NSUN3: variants seen among roughly 807,000 people sequenced by gnomAD.
NSUN3 encodes NOP2/Sun RNA methyltransferase 3, also known as tRNA (cytosine(34)-C(5))-methyltransferase, mitochondrial.
In NSUN3, 24 loss-of-function variants were observed where a neutral mutation model predicts 36.8. The observed-to-expected ratio is 0.65, with a 90% CI of 0.47 to 0.92. The LOEUF (loss-of-function observed/expected upper bound fraction) is 0.92. Ranked by LOEUF, NSUN3 falls within the 40% of genes least tolerant of loss-of-function variation. The probability of loss-of-function intolerance (pLI) is 0.00; values close to 1 mark genes in which losing one functional copy is unlikely to be tolerated. For missense variants in NSUN3, 381 were observed against 392.8 expected, an observed-to-expected ratio of 0.97 and a Z score of 0.25; for synonymous variants, 146 against 145.2, an observed-to-expected ratio of 1.01 and a Z score of -0.04.
At chr3:94,095,193 A>G (rs2077332706) in intron 5 of NSUN3, 39 bp downstream of exon 5, 4 of 1,600,698 alleles carry the variant, frequency 2.5e-6, no homozygotes, top group Non-Finnish European at 2.6e-6. Context: ...TTGGTGTCTG[A>G]TGTAATTTAC....
At chr3:94,074,969 G>A (rs572481374) in intron 2 of NSUN3, among the ~76,000 whole-genome samples, 3 of 152,048 alleles carry the variant, frequency 2.0e-5, no homozygotes, top group Non-Finnish European at 2.9e-5. Context: ...ATTATTTTGA[G>A]ATATGATCCA....
chr3:94,113,603 G>A (rs1295204705), intron 5 of NSUN3, among the ~76,000 whole-genome samples: 4 of 152,148 alleles, frequency 2.6e-5, no homozygotes, highest in Admixed American at 6.5e-5. Context: ...CTTCCAGGAA[G>A]CCACATCAGA....
intron 3 of NSUN3, among the ~76,000 whole-genome samples, chr3:94,089,756 G>A (rs2077307095): frequency 6.6e-6 from 1 of 152,086 alleles, no homozygotes; most frequent in South Asian, 2.1e-4. Context: ...TACTCGCTTG[G>A]GTCTCTTCCA....
chr3:94,096,973 G>A (rs555507888), intron 5 of NSUN3, among the ~76,000 whole-genome samples: 112 of 152,268 alleles, frequency 7.4e-4, no homozygotes, highest in African/African-American at 2.6e-3. Context: ...TCTCCTGACA[G>A]ATCTGCCTCT....
chr3:94,068,776 A>G (rs1226663049), intron 2 of NSUN3, among the ~76,000 whole-genome samples: 3 of 109,776 alleles, frequency 2.7e-5, no homozygotes, highest in African/African-American at 4.5e-5. Context: ...TACAGAGAGG[A>G]AAAAAAAATA....
At position 94,075,987 on chromosome 3, in the gene NSUN3, G is replaced by T. The variant is rs185127863; in HGVS notation, c.123-8120G>T. The T allele has an allele frequency of 3.8e-6, 6 of 1,595,658 alleles. No homozygotes were observed. The East Asian group carries it at 1.1e-4, about 30-fold the overall frequency. On this transcript the variant is annotated intron_variant, in intron 2 of 5. Coordinates refer to ENST00000314622, the MANE Select transcript of NSUN3 (RefSeq NM_022072.5). ...ATGTTCTCTGCCATTTGCCACACTT[G>T]CATGATATTGTCTTCTGATACAGAA...
chr3:94,090,951 G>C (rs905771477), intron 3 of NSUN3, among the ~76,000 whole-genome samples: 3 of 152,130 alleles, frequency 2.0e-5, no homozygotes, highest in African/African-American at 7.2e-5. Context: ...AGGTAAACCA[G>C]GAAGAAATTG....
chr3:94,076,989 G>A, intron 2 of NSUN3: 1 of 924,750 alleles, frequency 1.1e-6, no homozygotes, highest in Non-Finnish European at 1.8e-6. Context: ...GTCGATGAAT[G>A]CTGAAATCTT....
intron 2 of NSUN3, among the ~76,000 whole-genome samples, chr3:94,078,888 A>G (rs7637702): frequency 1.4e-3 from 214 of 152,086 alleles, no homozygotes; most frequent in Middle Eastern, 6.8e-3. Context: ...TCTTTATCCA[A>G]TTTGCCAGTC....
chr3:94,088,733 T>C (rs999921065), intron 3 of NSUN3, among the ~76,000 whole-genome samples: 9 of 150,808 alleles, frequency 6.0e-5, no homozygotes, highest in African/African-American at 9.8e-5. Flanking sequence ...GGTGCAGTGG[T>C]GTGATCTTGG....
rs773075399 is a variant in NSUN3, at chr3:94,095,099, T to A, written c.688T>A (p.Ser230Thr). The part of the protein sequence containing the change: ...WLFSSDSQKA[S>T]CRISQRRNLP... Reference sequence around the variant, plus strand: ...GTTTTCTTCTGACTCTCAGAAGGCATCCTGTAGGATAAGTCAAAGGAGGAA... The same window carrying A: ...GTTTTCTTCTGACTCTCAGAAGGCAACCTGTAGGATAAGTCAAAGGAGGAA... The change falls in exon 5 of 6, where the codon TCC (serine) becomes ACC (threonine). Residue 230 changes from serine to threonine, a missense_variant. Ser to Thr is a moderately conservative substitution (Grantham distance 58, BLOSUM62 1). Coordinates refer to ENST00000314622, the MANE Select transcript of NSUN3 (RefSeq NM_022072.5). 6 of 1,613,398 alleles carry A rather than the reference T, an allele frequency of 3.7e-6. No individual in the cohort carries two copies. Among genetic ancestry groups the A allele is most frequent in the African/African-American group, 1.3e-5 (1 of 74,902 alleles).
chr3:94,124,245 T>C (rs2077475973), intron 5 of NSUN3, among the ~76,000 whole-genome samples: 1 of 145,510 alleles, frequency 6.9e-6, no homozygotes, highest in East Asian at 2.2e-4. Flanking sequence ...CTCTGCCTCC[T>C]GGGTTCAAGT....
At chr3:94,076,625 G>C in intron 2 of NSUN3, 1 of 963,982 alleles carries the variant, frequency 1.0e-6, no homozygotes, top group Middle Eastern at 3.2e-4. Context: ...ATTTGGCCAA[G>C]AAAGCCCATA....
chr3:94,088,084 C>T (rs752503075), intron 3 of NSUN3, among the ~76,000 whole-genome samples: 2 of 152,168 alleles, frequency 1.3e-5, no homozygotes, highest in African/African-American at 2.4e-5. Flanking sequence ...GCACATTCTA[C>T]AGGTGTCTCT....
At chr3:94,068,736 G>A (rs1280468090) in intron 2 of NSUN3, among the ~76,000 whole-genome samples, 5 of 147,726 alleles carry the variant, frequency 3.4e-5, no homozygotes, top group African/African-American at 1.0e-4. Context: ...TTTTTTTTTG[G>A]ACACTCTCCT....
chr3:94,131,775 C>T lies in NSUN3; in HGVS notation c.*5285C>T, dbSNP rs2077509131. Among the ~76,000 whole-genome samples the T allele has an allele frequency of 6.6e-6, 1 of 152,158 alleles. No homozygotes were observed. Among genetic ancestry groups the T allele is most frequent in the African/African-American group, 2.4e-5 (1 of 41,422 alleles). The stretch of plus-strand genomic sequence containing the variant: ...AACACATTAACTTCTCCCTGCCGTC[C>T]ACACGCTGAACAGCCACTACTTTCA... On this transcript the variant is annotated 3_prime_UTR_variant, in exon 6 of 6. Coordinates refer to ENST00000314622, the MANE Select transcript of NSUN3 (RefSeq NM_022072.5).
At chr3:94,122,294 T>C (rs996844472) in intron 5 of NSUN3, among the ~76,000 whole-genome samples, 2 of 152,118 alleles carry the variant, frequency 1.3e-5, no homozygotes, top group Admixed American at 1.3e-4. Context: ...GAGCTCCTAG[T>C]GAAAAGGATT....
intron 2 of NSUN3, among the ~76,000 whole-genome samples, chr3:94,074,576 GGA>G (rs2077238939): frequency 6.6e-6 from 1 of 152,084 alleles, no homozygotes; most frequent in East Asian, 1.9e-4. Context: ...ATTGTGGATG[GGA>G]GTTCACTCAT....
At chr3:94,100,093 G>T (rs369590472) in intron 5 of NSUN3, among the ~76,000 whole-genome samples, 2 of 152,194 alleles carry the variant, frequency 1.3e-5, no homozygotes, top group Non-Finnish European at 2.9e-5. Context: ...TTGGAATGCA[G>T]ATAAACAAAT....
Sources: allele counts gnomAD v4.1 joint callset (sites outside exome capture counted in the v4.1 genomes callset), GRCh38; gene constraint gnomAD v4.1.1; transcripts MANE v1.5; gene names NCBI Gene and HGNC (gene_info 2026-07-23, HGNC 2026-07-21).